Variants in RBFOX1 observed in about 807,000 individuals in gnomAD.
The protein encoded by RBFOX1 is RNA binding fox-1 homolog 1.
A neutral mutation model predicts 57.7 loss-of-function variants in RBFOX1; 8 were observed. The ratio of observed to expected loss-of-function variants is 0.14; its 90% CI spans 0.08 to 0.25. The LOEUF (loss-of-function observed/expected upper bound fraction) is 0.25, where lower values mean the gene tolerates loss of function less well. RBFOX1 is among the 10% of genes least tolerant of loss of function. RBFOX1 has a pLI of 1.00. For missense variants in RBFOX1, 611 were observed against 548.5 expected (o/e 1.11, Z -1.14); for synonymous variants, 326 against 222.4 (o/e 1.47, Z -4.15).
intron 4 of RBFOX1, among the ~76,000 whole-genome samples, chr16:7,432,227 G>T (rs1356133391): frequency 6.6e-6 from 1 of 152,198 alleles, no homozygotes; most frequent in East Asian, 1.9e-4. Context: ...TTTCATCCTT[G>T]TCTTAAAGGT....
At chr16:5,753,621 T>C (rs764682043) in intron 3 of RBFOX1, among the ~76,000 whole-genome samples, 1 of 152,142 alleles carries the variant, frequency 6.6e-6, no homozygotes, top group Non-Finnish European at 1.5e-5. Context: ...TACCAGCTGG[T>C]TGATGTCATA....
chr16:7,527,807 C>G (rs891231622), intron 5 of RBFOX1, among the ~76,000 whole-genome samples: 1 of 152,108 alleles, frequency 6.6e-6, no homozygotes, highest in African/African-American at 2.4e-5. Context: ...TTACAGTACC[C>G]ATAATGAGAA....
At chr16:5,290,155 G>A (rs1225189037) in intron 1 of RBFOX1, among the ~76,000 whole-genome samples, 1 of 152,204 alleles carries the variant, frequency 6.6e-6, no homozygotes, top group Non-Finnish European at 1.5e-5. Flanking sequence ...TATATGAAAT[G>A]TCCAGAACAC....
At chr16:7,386,281 T>G (rs568674182) in intron 4 of RBFOX1, among the ~76,000 whole-genome samples, 10 of 152,272 alleles carry the variant, frequency 6.6e-5, no homozygotes, top group African/African-American at 2.4e-4. Flanking sequence ...ATGTGCAGAA[T>G]GTGCAGGTTT....
chr16:5,375,607 A>C (rs1207454688), intron 1 of RBFOX1, among the ~76,000 whole-genome samples: 1 of 152,194 alleles, frequency 6.6e-6, no homozygotes, highest in Non-Finnish European at 1.5e-5. Context: ...GGACGCTGAT[A>C]CTGGCGTGGA....
chr16:6,270,268 C>T, intron 1 of RBFOX1, among the ~76,000 whole-genome samples: 1 of 152,116 alleles, frequency 6.6e-6, no homozygotes, highest in East Asian at 1.9e-4. Context: ...GGCCTATATA[C>T]ACCCTTTGTA....
At chr16:5,478,432 A>C (rs1688816884) in intron 2 of RBFOX1, among the ~76,000 whole-genome samples, 1 of 152,240 alleles carries the variant, frequency 6.6e-6, no homozygotes, top group South Asian at 2.1e-4. Flanking sequence ...ATTATTGATT[A>C]CCTGGGACAT....
At chr16:5,447,451 C>A (rs1335511436) in intron 1 of RBFOX1, among the ~76,000 whole-genome samples, 2 of 151,412 alleles carry the variant, frequency 1.3e-5, no homozygotes, top group Non-Finnish European at 2.9e-5. Context: ...AGTGCAGTGG[C>A]ATGCTTTCAG....
In RBFOX1 at chr16:7,365,410, G is replaced by C. The variant is rs118015184; in HGVS notation, c.28-152737G>C. 3.7e-3 allele frequency among the ~76,000 whole-genome samples: 560 copies of C among 152,256 alleles called. 1 individual carries two copies. The highest frequency in any genetic ancestry group is 0.025 in the South Asian group (119 of 4,826). On this transcript the variant is annotated intron_variant, in intron 4 of 15. Coordinates refer to ENST00000550418, the MANE Select transcript of RBFOX1 (RefSeq NM_018723.4). ...ATAGCCATAGCCAGGCAGGACAAAA[G>C]AACCTTGTTAGTTATTAATGTTGAA...
At chr16:7,438,902 C>A (rs759383550) in intron 4 of RBFOX1, among the ~76,000 whole-genome samples, 11 of 152,212 alleles carry the variant, frequency 7.2e-5, no homozygotes, top group Non-Finnish European at 1.5e-4. Flanking sequence ...GAATCCCCCC[C>A]TTCAGCTCTT....
rs1275487194 is a variant in RBFOX1 at position 6,315,469 on chromosome 16, ATGGG to A, written c.-126-1518_-126-1515del. 6.3e-5 allele frequency among the ~76,000 whole-genome samples: 9 copies of A among 142,736 alleles called. No homozygotes were observed. The East Asian group carries it at 1.6e-3, about 26-fold the overall frequency. 93.6% of individuals were successfully genotyped at this position (142,736 alleles called of 152,430 possible). On this transcript the variant is annotated intron_variant, in intron 1 of 15. Coordinates refer to ENST00000550418, the MANE Select transcript of RBFOX1 (RefSeq NM_018723.4). Reference sequence around the variant, plus strand: ...GATGGGTGAATCGGTGGATGGGTGGATGGGTGGGTGGATGGGTAGGTAGATAGGT... The same window carrying A: ...GATGGGTGAATCGGTGGATGGGTGGATGGGTGGATGGGTAGGTAGATAGGT...
chr16:6,338,994 C>T (rs1024124248), intron 2 of RBFOX1, among the ~76,000 whole-genome samples: 4 of 152,070 alleles, frequency 2.6e-5, no homozygotes, highest in Non-Finnish European at 5.9e-5. Context: ...GGGTAATTCC[C>T]AGGATCCAGT....
chr16:7,101,200 G>T (rs369090867), intron 4 of RBFOX1, among the ~76,000 whole-genome samples: 1 of 152,134 alleles, frequency 6.6e-6, no homozygotes, highest in South Asian at 2.1e-4. Flanking sequence ...GCCTATGCAG[G>T]CCCCATTTTT....
At chr16:6,603,958 C>T (rs987757287) in intron 2 of RBFOX1, among the ~76,000 whole-genome samples, 3 of 152,094 alleles carry the variant, frequency 2.0e-5, no homozygotes, top group East Asian at 3.9e-4. Flanking sequence ...GTGGCTTCTT[C>T]CCTCTGATCT....
At chr16:6,450,784 T>C (rs373479384) in intron 2 of RBFOX1, among the ~76,000 whole-genome samples, 613 of 33,296 alleles carry the variant, frequency 0.018, 33 homozygotes, top group East Asian at 0.099. Context: ...TATATATATA[T>C]ATATACATAT....
At chr16:7,097,218 A>G (rs147611505) in intron 4 of RBFOX1, among the ~76,000 whole-genome samples, 3 of 152,222 alleles carry the variant, frequency 2.0e-5, no homozygotes, top group East Asian at 1.9e-4. Flanking sequence ...GGAAACTGCT[A>G]TGAGGTAGGA....
At chr16:7,099,703 A>ACCT (rs2062334593) in intron 4 of RBFOX1, among the ~76,000 whole-genome samples, 1 of 152,118 alleles carries the variant, frequency 6.6e-6, no homozygotes, top group Non-Finnish European at 1.5e-5. Flanking sequence ...CATTGGTTCT[A>ACCT]CCTGGAAGGG....
At chr16:7,334,569 C>A (rs2096751645) in intron 4 of RBFOX1, among the ~76,000 whole-genome samples, 1 of 152,112 alleles carries the variant, frequency 6.6e-6, no homozygotes, top group Non-Finnish European at 1.5e-5. Flanking sequence ...TCATAAGTTC[C>A]TGTTATAGAT....
intron 1 of RBFOX1, among the ~76,000 whole-genome samples, chr16:6,315,532 CATGGATGGATGG>C (rs59618973): frequency 0.011 from 1,584 of 141,946 alleles, 22 homozygotes; most frequent in Middle Eastern, 0.033. Context: ...TGGGTGAGTA[CATGGATGGATGG>C]ATGGATGGAT....
Sources: gnomAD v4.1 joint callset for allele counts (sites outside exome capture counted in the v4.1 genomes callset) on GRCh38, gnomAD v4.1.1 for gene constraint, MANE v1.5 for transcripts, NCBI Gene and HGNC (gene_info 2026-07-23, HGNC 2026-07-21) for gene names.